PRRC2B: variants seen among roughly 807,000 people sequenced by gnomAD.
The protein encoded by PRRC2B is protein PRRC2B.
A neutral mutation model predicts 242.3 loss-of-function variants in PRRC2B; 68 were observed. The observed-to-expected ratio is 0.28, with a 90% confidence interval of 0.23 to 0.34. The LOEUF is 0.34. Ranked by LOEUF, PRRC2B falls within the 10% of genes least tolerant of loss-of-function variation. PRRC2B has a pLI of 1.00. For missense variants in PRRC2B, 2,835 were observed against 2,954.8 expected (o/e 0.96, Z 0.94); for synonymous variants, 1,228 against 1,173.6 (o/e 1.05, Z -0.95).
chr9:131,492,887 G>A (rs1048777270), intron 30 of PRRC2B, among the ~76,000 whole-genome samples: 1 of 152,200 alleles, frequency 6.6e-6, no homozygotes, highest in Non-Finnish European at 1.5e-5. Flanking sequence ...AAGGCAGCAC[G>A]CTCTGGCCCT....
At chr9:131,455,362 C>G (rs983510548) in intron 10 of PRRC2B, among the ~76,000 whole-genome samples, 196 bp downstream of exon 10, 1 of 152,010 alleles carries the variant, frequency 6.6e-6, no homozygotes, top group Non-Finnish European at 1.5e-5. Context: ...GTGACTGTGT[C>G]CTGTGCATAG....
intron 1 of PRRC2B, among the ~76,000 whole-genome samples, chr9:131,419,572 G>A (rs1432196669): frequency 6.6e-6 from 1 of 152,196 alleles, no homozygotes; most frequent in Non-Finnish European, 1.5e-5. Flanking sequence ...GAGAACAAGA[G>A]CAGAACCACG....
In PRRC2B at chr9:131,430,081, A is replaced by C; in HGVS notation, c.-51-13A>C. The stretch of plus-strand genomic sequence containing the variant: ...CTCTCTTTTTTTTTTTTTCTTCTCT[A>C]TTTCAAAGGCAGATCGGGAGCGGTG... On this transcript the variant is annotated splice_polypyrimidine_tract_variant and intron_variant, in intron 1 of 31. Transcript: ENST00000683519. 7 of 529,060 alleles carry C rather than the reference A, an allele frequency of 1.3e-5. No individual in the cohort carries two copies. Among genetic ancestry groups the C allele is most frequent in the South Asian group, 8.6e-5 (2 of 23,352 alleles). The allele number at this position is 529,060 out of a possible 1,614,324, so 32.8% of individuals were successfully genotyped here. A position where few individuals can be genotyped will look rare whatever the true frequency, so the allele number is the denominator to read the frequency against.
intron 10 of PRRC2B, among the ~76,000 whole-genome samples, chr9:131,456,877 T>G (rs1212766367): frequency 6.6e-6 from 1 of 152,234 alleles, no homozygotes; most frequent in African/African-American, 2.4e-5. Context: ...CAAGTAAGAC[T>G]TTTTCCTTTG....
intron 1 of PRRC2B, among the ~76,000 whole-genome samples, chr9:131,397,472 A>T (rs1017965935): frequency 2.9e-5 from 4 of 139,904 alleles, no homozygotes; most frequent in Non-Finnish European, 6.2e-5. Flanking sequence ...TTTGTTATTA[A>T]TTTTTTTTTT....
At chr9:131,467,213 G>C (rs1326859908) in intron 12 of PRRC2B, among the ~76,000 whole-genome samples, 1 of 152,212 alleles carries the variant, frequency 6.6e-6, no homozygotes, top group Non-Finnish European at 1.5e-5. Context: ...GGGATTACAG[G>C]TGTGAGCCAC....
chr9:131,434,307 C>A (rs1228080112), intron 3 of PRRC2B, among the ~76,000 whole-genome samples: 5 of 152,250 alleles, frequency 3.3e-5, no homozygotes, highest in Non-Finnish European at 4.4e-5. Flanking sequence ...ACCAAAAGTT[C>A]TAGAGAGGAC....
intron 31 of PRRC2B, among the ~76,000 whole-genome samples, chr9:131,495,333 G>A (rs1314646124): frequency 6.6e-6 from 1 of 152,158 alleles, no homozygotes; most frequent in Admixed American, 6.5e-5. Context: ...GCAGACAGTC[G>A]GGGGCTCCGA....
intron 1 of PRRC2B, among the ~76,000 whole-genome samples, chr9:131,419,771 C>T (rs1463836635): frequency 2.6e-5 from 4 of 151,990 alleles, no homozygotes; most frequent in African/African-American, 9.7e-5. Flanking sequence ...GAGATGCAAA[C>T]CCAGTGTTTC....
chr9:131,391,050 C>T (rs1304781069), upstream of PRRC2B, among the ~76,000 whole-genome samples: 1 of 151,392 alleles, frequency 6.6e-6, no homozygotes, highest in Non-Finnish European at 1.5e-5. Context: ...CTCCCAAAGT[C>T]CTGGGATTAC....
At chr9:131,478,413 G>T in intron 17 of PRRC2B, 61 bp from the exon 18 acceptor site, 1 of 1,530,570 alleles carries the variant, frequency 6.5e-7, no homozygotes, top group South Asian at 1.1e-5. Flanking sequence ...CTGTTGAATT[G>T]GGTTGTTCTT....
rs1944286320 is a variant in PRRC2B at position 131,494,804 on chromosome 9, T to G, written c.6555+318T>G. On this transcript the variant is annotated intron_variant, in intron 31 of 31. Coordinates refer to ENST00000683519, the MANE Select transcript of PRRC2B (RefSeq NM_013318.4). This position sits in a 1 kb window ranked among gnomAD's most constrained non-coding sequence, Gnocchi z 4.3. ...GCGCCCTGGGAGACTCGGTTAGGTT[T>G]GGGGGTCGGCTTTAGGAGCCGGGGT... Among the ~76,000 whole-genome samples the G allele has an allele frequency of 6.6e-6, 1 of 151,830 alleles. No homozygotes were observed. The highest frequency in any genetic ancestry group is 2.1e-4 in the South Asian group (1 of 4,796).
intron 1 of PRRC2B, among the ~76,000 whole-genome samples, chr9:131,387,668 C>T (rs114273485): frequency 0.026 from 3,843 of 149,680 alleles, 208 homozygotes; most frequent in African/African-American, 0.088. Context: ...CAAACTTTGG[C>T]AAAGGCTGTG....
rs1016334267 is a variant in PRRC2B, at chr9:131,482,227, C to T, written c.4984-144C>T. 5.3e-5 allele frequency: 48 copies of T among 911,512 alleles called. No homozygotes were observed. The highest frequency in any genetic ancestry group is 7.6e-5 in the Non-Finnish European group (45 of 592,780). 56.5% of individuals were successfully genotyped at this position (911,512 alleles called of 1,614,324 possible). A position where few individuals can be genotyped will look rare whatever the true frequency, so the allele number is the denominator to read the frequency against. Reference sequence around the variant, plus strand: ...CCACACGTAAGTTGTCAGGCATCCTCAGCAGGGCAGGATCAAGATCAGGAC... The same window carrying T: ...CCACACGTAAGTTGTCAGGCATCCTTAGCAGGGCAGGATCAAGATCAGGAC... On this transcript the variant is annotated intron_variant, in intron 20 of 31. Transcript: ENST00000683519. The surrounding 1 kb of genome is among the most constrained non-coding windows in gnomAD (Gnocchi z 5.2).
chr9:131,496,093 A>G lies in PRRC2B; in HGVS notation c.*219A>G. 3.5e-6 allele frequency: 2 copies of G among 577,294 alleles called. No individual in the cohort carries two copies. The highest frequency in any genetic ancestry group is 6.0e-6 in the Non-Finnish European group (2 of 331,770). 35.8% of individuals were successfully genotyped at this position (577,294 alleles called of 1,614,324 possible). ...CGCTTGCTTTGATACGAAACAAAAA[A>G]GCAGACGACTCCTTCATCCCATCTG... On this transcript the variant is annotated 3_prime_UTR_variant, in exon 32 of 32. Transcript: ENST00000683519.
Position 131,487,740 on chromosome 9 carries a change from G to C in PRRC2B, c.5985-116G>C, listed in dbSNP as rs376359373. On this transcript the variant is annotated intron_variant, in intron 27 of 31. Transcript: ENST00000683519. The surrounding 1 kb of genome is among the most constrained non-coding windows in gnomAD (Gnocchi z 5.3). ...CCTGGACCCTCTGAGTCGCGCTCTG[G>C]GGGTGGGGCCGGGGATCTGTGGTTT... is the stretch of plus-strand genomic sequence containing the variant. 1.6e-4 allele frequency: 216 copies of C among 1,381,284 alleles called. 5 individuals are homozygous for C. The African/African-American group carries it at 1.9e-3, about 12-fold the overall frequency. 85.6% of individuals were successfully genotyped at this position (1,381,284 alleles called of 1,614,324 possible).
At chr9:131,420,483 T>TTC (rs1491546513) in intron 1 of PRRC2B, among the ~76,000 whole-genome samples, 12 of 16,704 alleles carry the variant, frequency 7.2e-4, no homozygotes, top group Non-Finnish European at 1.4e-3. Flanking sequence ...CTTTCTTTCT[T>TTC]TCTTTCTTTC....
At chr9:131,447,286 G>T in intron 8 of PRRC2B, 80 bp downstream of exon 8, 1 of 1,546,918 alleles carries the variant, frequency 6.5e-7, no homozygotes. Flanking sequence ...CTGATGAATA[G>T]AAGTGCTGTG....
intron 11 of PRRC2B, among the ~76,000 whole-genome samples, chr9:131,462,819 C>T (rs909780451): frequency 9.4e-6 from 1 of 106,198 alleles, no homozygotes; most frequent in Admixed American, 1.4e-4. Context: ...GCCTGGGTGA[C>T]AGAGTGAGAC....
Sources: allele counts gnomAD v4.1 joint callset (sites outside exome capture counted in the v4.1 genomes callset), GRCh38; gene constraint gnomAD v4.1.1; non-coding constraint Gnocchi (gnomAD v3.1); transcripts MANE v1.5; gene names NCBI Gene and HGNC (gene_info 2026-07-23, HGNC 2026-07-21).